The following HIVEP3 variants were observed in gnomAD, a reference collection of about 807,000 sequenced individuals.
HIVEP3 encodes the protein transcription factor HIVEP3.
Under a neutral mutation model 152.8 loss-of-function variants are expected in HIVEP3, and 49 were observed. That is an observed-to-expected ratio of 0.32 (90% CI 0.26 to 0.41). The LOEUF (loss-of-function observed/expected upper bound fraction) is 0.41, where lower values mean the gene tolerates loss of function less well. HIVEP3 is among the 10% of genes least tolerant of loss of function. The pLI is 1.00. For missense variants in HIVEP3, 2,790 were observed against 3,103.3 expected (o/e 0.90, Z 2.40); for synonymous variants, 1,269 against 1,289.0 (o/e 0.98, Z 0.33).
intron 2 of HIVEP3, among the ~76,000 whole-genome samples, chr1:41,688,036 G>A (rs1020107351): frequency 6.6e-6 from 1 of 152,204 alleles, no homozygotes; most frequent in African/African-American, 2.4e-5. Flanking sequence ...GGAACGATGG[G>A]GGATGAACAG....
intron 1 of HIVEP3, among the ~76,000 whole-genome samples, chr1:41,841,811 T>C (rs1643297772): frequency 6.6e-6 from 1 of 152,134 alleles, no homozygotes; most frequent in Non-Finnish European, 1.5e-5. Flanking sequence ...CGTTGTTGGC[T>C]GGGTGGGGTG....
rs3032007 is a variant in HIVEP3, at chr1:41,845,419, GCACACACA to G, written c.-801+72986_-801+72993del. Among the ~76,000 whole-genome samples, 1,230 of 136,048 alleles carry G rather than the reference GCACACACA, an allele frequency of 9.0e-3. 6 individuals are homozygous for G. The highest frequency in any genetic ancestry group is 0.011 in the Admixed American group (149 of 13,828). The allele number at this position is 136,048 out of a possible 152,430, so 89.3% of individuals were successfully genotyped here. ...ACACCTCCTATACACACACACACAC[GCACACACA>G]CACACACACACACACACACACACAC... On this transcript the variant is annotated intron_variant, in intron 1 of 8. Coordinates refer to ENST00000372583, the MANE Select transcript of HIVEP3 (RefSeq NM_024503.5).
chr1:41,592,084 G>A (rs1215659530), intron 3 of HIVEP3, among the ~76,000 whole-genome samples: 1 of 152,166 alleles, frequency 6.6e-6, no homozygotes, highest in Non-Finnish European at 1.5e-5. Flanking sequence ...GAGAGCCAGG[G>A]GGCTGAGCAC....
intron 1 of HIVEP3, among the ~76,000 whole-genome samples, chr1:41,818,297 A>G (rs1004003612): frequency 3.9e-5 from 6 of 152,228 alleles, no homozygotes; most frequent in African/African-American, 1.4e-4. Flanking sequence ...GTAAATATTA[A>G]TAATGCCTGT....
intron 1 of HIVEP3, among the ~76,000 whole-genome samples, chr1:41,771,523 G>A (rs555059374): frequency 9.3e-4 from 141 of 152,238 alleles, no homozygotes; most frequent in African/African-American, 3.2e-3. Context: ...TCCCTGCCCC[G>A]CGTGTCTACC....
At chr1:41,577,390 G>A (rs1484957222) in intron 4 of HIVEP3, among the ~76,000 whole-genome samples, 1 of 152,164 alleles carries the variant, frequency 6.6e-6, no homozygotes, top group East Asian at 1.9e-4. Context: ...ATTGGCCCAA[G>A]GTCACATAGC....
At chr1:41,943,573 C>T (rs1388315414) in intron 1 of HIVEP3, among the ~76,000 whole-genome samples, 1 of 152,192 alleles carries the variant, frequency 6.6e-6, no homozygotes, top group African/African-American at 2.4e-5. Context: ...ATCTTCTCTA[C>T]ACACAGACAA....
At chr1:41,871,934 TGTTA>T (rs1193615963) in intron 1 of HIVEP3, among the ~76,000 whole-genome samples, 4 of 152,342 alleles carry the variant, frequency 2.6e-5, no homozygotes, top group African/African-American at 7.2e-5. Flanking sequence ...TTATTTTATA[TGTTA>T]GTTTTCCTTA....
At chr1:41,855,509 A>G (rs1489850078) in intron 1 of HIVEP3, among the ~76,000 whole-genome samples, 1 of 152,172 alleles carries the variant, frequency 6.6e-6, no homozygotes, top group Non-Finnish European at 1.5e-5. Flanking sequence ...TTACAAGAAA[A>G]AAACAAACAA....
chr1:41,845,532 G>C (rs1336573901), intron 1 of HIVEP3, among the ~76,000 whole-genome samples: 8 of 151,440 alleles, frequency 5.3e-5, no homozygotes, highest in Non-Finnish European at 1.0e-4. Flanking sequence ...GGATAGTTTA[G>C]GTTAAACTTA....
At chr1:42,007,582 C>T (rs780998464) in intron 1 of HIVEP3, among the ~76,000 whole-genome samples, 31 of 152,134 alleles carry the variant, frequency 2.0e-4, no homozygotes, top group South Asian at 4.1e-4. Flanking sequence ...AAGCTGAGTT[C>T]CAGTGTGATA....
Position 41,579,736 on chromosome 1 carries a change from CCT to C in HIVEP3, c.5060_5061del (p.Glu1687GlyfsTer17). On this transcript the variant is annotated frameshift_variant and splice_region_variant, in exon 4 of 9. Coordinates refer to ENST00000372583, the MANE Select transcript of HIVEP3 (RefSeq NM_024503.5). LOFTEE classifies it high-confidence loss of function. ...GAGAAGAAAAACAAGGCTGAACTTA[CCT>C]CTGTCATGCGGGGCTTGCGGGAGCT... ...PSSSRKPRMT[E>X]VHLPSLVSPE... 1 of 1,560,672 alleles carries C rather than the reference CCT, an allele frequency of 6.4e-7. No homozygotes were observed. Among genetic ancestry groups the C allele is most frequent in the African/African-American group, 1.4e-5 (1 of 73,416 alleles).
chr1:41,573,323 G>A (rs1361463519), intron 5 of HIVEP3, among the ~76,000 whole-genome samples: 2 of 152,164 alleles, frequency 1.3e-5, no homozygotes, highest in South Asian at 2.1e-4. Context: ...TGCCAGTTAT[G>A]TGGCAACCAA....
Position 41,610,449 on chromosome 1 carries a change from A to G in HIVEP3, c.-522+18300T>C, listed in dbSNP as rs150323428. ...CTAGGTGGGTGAATTTGTGAGAACA[A>G]GAGAGTACTGAGGCTGATGGCCTAG... On this transcript the variant is annotated intron_variant, in intron 3 of 8. Transcript: ENST00000372583. Among the ~76,000 whole-genome samples, 326 of 152,368 alleles carry G rather than the reference A, an allele frequency of 2.1e-3. 1 individual carries two copies. Among genetic ancestry groups the G allele is most frequent in the South Asian group, 4.8e-3 (23 of 4,828 alleles).
At chr1:41,759,007 T>C (rs1647496792) in intron 1 of HIVEP3, among the ~76,000 whole-genome samples, 2 of 152,102 alleles carry the variant, frequency 1.3e-5, no homozygotes, top group African/African-American at 2.4e-5. Context: ...ATTAAGTGCT[T>C]TCGCAGTGTT....
At chr1:41,747,417 T>C (rs1647089108) in intron 1 of HIVEP3, among the ~76,000 whole-genome samples, 1 of 152,194 alleles carries the variant, frequency 6.6e-6, no homozygotes, top group South Asian at 2.1e-4. Flanking sequence ...TACTGGCAAC[T>C]CTCACCTGCA....
intron 3 of HIVEP3, among the ~76,000 whole-genome samples, chr1:41,617,308 T>G (rs933907009): frequency 6.6e-6 from 1 of 152,220 alleles, no homozygotes; most frequent in Non-Finnish European, 1.5e-5. Flanking sequence ...TGTGTGTGTT[T>G]TTGGTTAAAA....
chr1:41,885,651 A>T (rs2124432811), intron 1 of HIVEP3, among the ~76,000 whole-genome samples: 1 of 152,272 alleles, frequency 6.6e-6, no homozygotes, highest in East Asian at 1.9e-4. Flanking sequence ...TGACAGAGTG[A>T]GACTCCGTCA....
intron 1 of HIVEP3, among the ~76,000 whole-genome samples, chr1:41,951,527 C>T (rs1382620378): frequency 6.6e-6 from 1 of 152,162 alleles, no homozygotes; most frequent in East Asian, 1.9e-4. Context: ...ATTCTACAAA[C>T]TGTAAACTTA....
Sources: gnomAD v4.1 joint callset for allele counts (sites outside exome capture counted in the v4.1 genomes callset) on GRCh38, gnomAD v4.1.1 for gene constraint, MANE v1.5 for transcripts, NCBI Gene and HGNC (gene_info 2026-07-23, HGNC 2026-07-21) for gene names.